MYO6: variants seen among roughly 807,000 people sequenced by gnomAD.
MYO6 encodes the protein myosin VI, also known as unconventional myosin-VI.
A neutral mutation model predicts 178.7 loss-of-function variants in MYO6; 74 were observed. That is an observed-to-expected ratio of 0.41 (90% CI 0.34 to 0.50). MYO6 has a LOEUF of 0.50. MYO6 is among the 20% of genes least tolerant of loss of function. The probability of loss-of-function intolerance (pLI) is 0.09; values close to 1 mark genes in which losing one functional copy is unlikely to be tolerated. For missense variants in MYO6, 1,330 were observed against 1,547.4 expected, an observed-to-expected ratio of 0.86 and a Z score of 2.36; for synonymous variants, 477 against 504.6, an observed-to-expected ratio of 0.95 and a Z score of 0.73.
At chr6:75,823,699 G>A (rs1013075796) in intron 3 of MYO6, among the ~76,000 whole-genome samples, 3 of 152,184 alleles carry the variant, frequency 2.0e-5, no homozygotes, top group Admixed American at 1.3e-4. Flanking sequence ...TAGACTAGTG[G>A]GAGTAATGGG....
chr6:75,807,871 A>T (rs1279881692), intron 1 of MYO6, among the ~76,000 whole-genome samples: 1 of 151,988 alleles, frequency 6.6e-6, no homozygotes, highest in Non-Finnish European at 1.5e-5. Context: ...CTCCTCTCTC[A>T]TCCTGTGACT....
intron 5 of MYO6, among the ~76,000 whole-genome samples, chr6:75,832,281 A>G (rs2150220034): frequency 6.6e-6 from 1 of 152,366 alleles, no homozygotes; most frequent in Middle Eastern, 3.4e-3. Context: ...TAAATTTAAT[A>G]GTTGTATTAG....
In MYO6 at chr6:75,895,422, G is replaced by T. The variant is rs1779217026; in HGVS notation, c.3137+162G>T. 2.0e-5 allele frequency among the ~76,000 whole-genome samples: 3 copies of T among 151,790 alleles called. 1 individual carries two copies. In the South Asian group the frequency reaches 6.2e-4, roughly 32 times the overall value. Reference sequence around the variant, plus strand: ...TAGGAAAGTTTAATGCTCTTGTATGGTGCTCAATCACAGTAGCTCATGATT... The same window carrying T: ...TAGGAAAGTTTAATGCTCTTGTATGTTGCTCAATCACAGTAGCTCATGATT... On this transcript the variant is annotated intron_variant, in intron 29 of 34. Coordinates refer to ENST00000369977, the MANE Select transcript of MYO6 (RefSeq NM_004999.4).
chr6:75,828,644 G>C, intron 4 of MYO6, 31 bp downstream of exon 4: 1 of 1,315,674 alleles, frequency 7.6e-7, no homozygotes, highest in Non-Finnish European at 1.1e-6. Context: ...GTAAGTTTTT[G>C]TGGAGATAAT....
At chr6:75,791,081 T>C (rs1344509817) in intron 1 of MYO6, among the ~76,000 whole-genome samples, 4 of 152,026 alleles carry the variant, frequency 2.6e-5, no homozygotes, top group South Asian at 2.1e-4. Context: ...TACAGGCGCC[T>C]GCCACCACGC....
In MYO6 at chr6:75,917,563, G is replaced by T. The variant is rs768537273; in HGVS notation, c.*2551G>T. On this transcript the variant is annotated 3_prime_UTR_variant, in exon 35 of 35. Transcript: ENST00000369977. ...GGAGATGGCACCTTCTCAGAGGATT[G>T]TGAAAATATGAGGAAGAAACAAAAC... 4 of 152,242 alleles carry T rather than the reference G, an allele frequency of 2.6e-5. No homozygotes were observed. Among genetic ancestry groups the T allele is most frequent in the Non-Finnish European group, 5.9e-5 (4 of 68,050 alleles). 9.4% of individuals were successfully genotyped at this position (152,242 alleles called of 1,614,324 possible).
intron 4 of MYO6, among the ~76,000 whole-genome samples, chr6:75,829,743 T>C (rs1450077720): frequency 6.6e-6 from 1 of 152,196 alleles, no homozygotes; most frequent in Non-Finnish European, 1.5e-5. Flanking sequence ...CTGACTCATG[T>C]TGAGTATCTA....
At chr6:75,840,467 A>C in intron 7 of MYO6, 118 bp from the exon 8 acceptor site, 1 of 763,328 alleles carries the variant, frequency 1.3e-6, no homozygotes, top group Non-Finnish European at 2.3e-6. Flanking sequence ...CGCCCATGTT[A>C]ATATTTTTTA....
At chr6:75,839,280 C>T (rs1050136527) in intron 7 of MYO6, among the ~76,000 whole-genome samples, 2 of 151,980 alleles carry the variant, frequency 1.3e-5, no homozygotes, top group South Asian at 2.1e-4. Flanking sequence ...GCTCTGCCTC[C>T]GGGGTTCACG....
At chr6:75,754,942 A>G (rs960859270) in intron 1 of MYO6, among the ~76,000 whole-genome samples, 9 of 152,200 alleles carry the variant, frequency 5.9e-5, no homozygotes, top group Admixed American at 1.3e-4. Context: ...AAAAATTAAA[A>G]ATACTGGCTG....
intron 20 of MYO6, among the ~76,000 whole-genome samples, chr6:75,875,348 CA>C (rs1777492539): frequency 6.6e-6 from 1 of 152,160 alleles, no homozygotes; most frequent in Non-Finnish European, 1.5e-5. Context: ...AATCATGGCT[CA>C]CTGCAGCCTC....
intron 25 of MYO6, among the ~76,000 whole-genome samples, chr6:75,887,960 C>T (rs1778591637): frequency 6.7e-6 from 1 of 149,682 alleles, no homozygotes; most frequent in African/African-American, 2.5e-5. Flanking sequence ...GCCTGGGTGA[C>T]AGAGCAAGAC....
intron 20 of MYO6, 79 bp downstream of exon 20, chr6:75,873,379 A>G (rs1777302776): frequency 9.3e-7 from 1 of 1,070,396 alleles, no homozygotes; most frequent in Non-Finnish European, 1.4e-6. Flanking sequence ...TTTTCAAATA[A>G]TTCACCATTA....
chr6:75,766,238 G>A (rs1020867437), intron 1 of MYO6, among the ~76,000 whole-genome samples: 2 of 152,196 alleles, frequency 1.3e-5, no homozygotes, highest in East Asian at 1.9e-4. Context: ...CAGGAGAATC[G>A]CTTGAACCCA....
chr6:75,776,192 C>T (rs910585788), intron 1 of MYO6, among the ~76,000 whole-genome samples: 3 of 152,126 alleles, frequency 2.0e-5, no homozygotes, highest in African/African-American at 7.2e-5. Flanking sequence ...AGAATAGATG[C>T]TCCATAAATG....
At chr6:75,859,790 G>C (rs1469176390) in intron 14 of MYO6, among the ~76,000 whole-genome samples, 1 of 151,738 alleles carries the variant, frequency 6.6e-6, no homozygotes. Flanking sequence ...CTCCTGAGTA[G>C]CTGGGACTAC....
At chr6:75,908,665 T>C (rs377240075) in intron 32 of MYO6, 38 bp downstream of exon 32, 11 of 1,598,308 alleles carry the variant, frequency 6.9e-6, no homozygotes, top group Non-Finnish European at 7.7e-6. Context: ...TTTTAAAATA[T>C]ATGTATATAA....
At chr6:75,751,604 C>T (rs1218182230) in intron 1 of MYO6, among the ~76,000 whole-genome samples, 1 of 152,054 alleles carries the variant, frequency 6.6e-6, no homozygotes, top group Non-Finnish European at 1.5e-5. Flanking sequence ...TTTATGTTTA[C>T]GTGGTCAAGT....
chr6:75,812,002 G>GTT (rs72403837), intron 1 of MYO6, among the ~76,000 whole-genome samples: 2 of 151,134 alleles, frequency 1.3e-5, no homozygotes. Context: ...TCAAGCCTAG[G>GTT]TTTTTTTTTC....
Sources: gnomAD v4.1 joint callset for allele counts (sites outside exome capture counted in the v4.1 genomes callset) on GRCh38, gnomAD v4.1.1 for gene constraint, MANE v1.5 for transcripts, NCBI Gene and HGNC (gene_info 2026-07-23, HGNC 2026-07-21) for gene names.